The following HLCS variants were observed in gnomAD, a reference collection of about 807,000 sequenced individuals.
HLCS encodes biotin--protein ligase.
HLCS carries 53 observed loss-of-function variants against 75.0 expected under a neutral mutation model. The observed-to-expected ratio is 0.71, with a 90% confidence interval of 0.57 to 0.89. HLCS has a LOEUF of 0.89. HLCS is among the 40% of genes least tolerant of loss of function. The probability of loss-of-function intolerance (pLI) is 0.00; values close to 1 mark genes in which losing one functional copy is unlikely to be tolerated. For missense variants in HLCS, 966 were observed against 1,074.0 expected (o/e 0.90, Z 1.41); for synonymous variants, 431 against 428.6 (o/e 1.01, Z -0.07).
At chr21:36,877,275 C>T (rs1486132722) in intron 6 of HLCS, among the ~76,000 whole-genome samples, 2 of 152,056 alleles carry the variant, frequency 1.3e-5, no homozygotes, top group East Asian at 3.8e-4. Flanking sequence ...TTGAGTTAAA[C>T]CATTTGGTTA....
intron 6 of HLCS, among the ~76,000 whole-genome samples, chr21:36,767,550 G>A (rs775678214): frequency 6.8e-4 from 103 of 152,146 alleles, no homozygotes; most frequent in Non-Finnish European, 3.5e-4. Flanking sequence ...GTACCTGCCT[G>A]AGCCGTTACT....
intron 6 of HLCS, among the ~76,000 whole-genome samples, chr21:36,822,559 T>A (rs1402474943): frequency 6.6e-6 from 1 of 152,258 alleles, no homozygotes; most frequent in Non-Finnish European, 1.5e-5. Context: ...ATTTACATTA[T>A]TTTTAATGAT....
chr21:36,982,297 A>G (rs1166566881), intron 1 of HLCS, among the ~76,000 whole-genome samples: 1 of 152,200 alleles, frequency 6.6e-6, no homozygotes. Flanking sequence ...CTAACAAATA[A>G]TATTGTTCTG....
chr21:36,907,656 AAAAAG>A (rs1198806724), intron 5 of HLCS, among the ~76,000 whole-genome samples: 1 of 152,208 alleles, frequency 6.6e-6, no homozygotes, highest in African/African-American at 2.4e-5. Flanking sequence ...CATCTCAAAA[AAAAAG>A]AGAGAGAAAG....
At chr21:36,777,407 A>C (rs2060392538) in intron 6 of HLCS, among the ~76,000 whole-genome samples, 1 of 152,234 alleles carries the variant, frequency 6.6e-6, no homozygotes, top group South Asian at 2.1e-4. Flanking sequence ...CGGCACGAAA[A>C]CTGGCAGCAG....
Position 36,828,191 on chromosome 21 carries a change from A to G in HLCS, c.1893-60906T>C, listed in dbSNP as rs146708629. ...GATATTTAATGTTGTTGGGTGTGCA[A>G]GTTCAGGTCTGATTCAGCGGGTTCA... On this transcript the variant is annotated intron_variant, in intron 6 of 10. Transcript: ENST00000674895. Among the ~76,000 whole-genome samples, 775 of 152,270 alleles carry G rather than the reference A, an allele frequency of 5.1e-3. 8 individuals are homozygous for G. The highest frequency in any genetic ancestry group is 0.018 in the African/African-American group (746 of 41,548).
intron 5 of HLCS, among the ~76,000 whole-genome samples, chr21:36,903,728 C>T (rs1008738224): frequency 2.0e-5 from 3 of 152,126 alleles, no homozygotes; most frequent in African/African-American, 7.2e-5. Flanking sequence ...GGAGTACCCA[C>T]GGTGTCTCAA....
At chr21:36,974,859 T>C (rs1249103167) in intron 1 of HLCS, 2 of 152,214 alleles carry the variant, frequency 1.3e-5, no homozygotes, top group African/African-American at 2.4e-5. Context: ...ATTTCTGTTG[T>C]TGAAGCCCCA....
At chr21:36,762,453 G>A (rs143195130) in intron 8 of HLCS, among the ~76,000 whole-genome samples, 368 of 152,300 alleles carry the variant, frequency 2.4e-3, no homozygotes, top group Middle Eastern at 0.01. Flanking sequence ...GGCGAGTTCC[G>A]GAAGGAATGC....
intron 6 of HLCS, among the ~76,000 whole-genome samples, chr21:36,885,589 G>A (rs922056289): frequency 4.0e-5 from 6 of 151,636 alleles, no homozygotes; most frequent in Non-Finnish European, 8.8e-5. Context: ...CCACAGCACT[G>A]CTGCTGAAGG....
At chr21:36,808,703 C>T (rs2061427920) in intron 6 of HLCS, among the ~76,000 whole-genome samples, 1 of 152,114 alleles carries the variant, frequency 6.6e-6, no homozygotes, top group South Asian at 2.1e-4. Context: ...AGAAAGAAAA[C>T]TAGTATTTTG....
At chr21:36,978,851 T>G (rs1052310680) in intron 1 of HLCS, among the ~76,000 whole-genome samples, 1 of 152,210 alleles carries the variant, frequency 6.6e-6, no homozygotes, top group African/African-American at 2.4e-5. Flanking sequence ...CATCCTCTCC[T>G]GTGGCTAAAA....
At chr21:36,953,090 C>A (rs1051779174) in intron 2 of HLCS, among the ~76,000 whole-genome samples, 25 of 152,168 alleles carry the variant, frequency 1.6e-4, no homozygotes, top group African/African-American at 5.8e-4. Context: ...CGTGAAATTT[C>A]TGAATCACAA....
intron 6 of HLCS, among the ~76,000 whole-genome samples, chr21:36,874,521 T>C (rs1194288876): frequency 6.6e-6 from 1 of 152,242 alleles, no homozygotes; most frequent in Admixed American, 6.5e-5. Context: ...GCCAGTACCA[T>C]ATAGCTTTGA....
In HLCS at chr21:36,979,584, T is replaced by A. The variant is rs148784713; in HGVS notation, c.-393+10574A>T. ...TTAAAATGGTTTTATGCAAACGACATGTTTAGCCCAAATGCACTGCAGGTA... is the reference window on the plus strand; with the variant it reads ...TTAAAATGGTTTTATGCAAACGACAAGTTTAGCCCAAATGCACTGCAGGTA... On this transcript the variant is annotated intron_variant, in intron 1 of 11. Coordinates refer to the HLCS transcript ENST00000336648. 7.9e-5 allele frequency among the ~76,000 whole-genome samples: 12 copies of A among 152,262 alleles called. No homozygotes were observed. The East Asian group carries it at 2.1e-3, about 27-fold the overall frequency.
chr21:36,956,214 G>A (rs1321436993), intron 2 of HLCS, among the ~76,000 whole-genome samples: 2 of 152,126 alleles, frequency 1.3e-5, no homozygotes, highest in Admixed American at 6.5e-5. Context: ...GGTAGGGGGA[G>A]TCATGAGGAA....
At chr21:36,797,034 T>C (rs894334044) in intron 6 of HLCS, among the ~76,000 whole-genome samples, 3 of 152,030 alleles carry the variant, frequency 2.0e-5, no homozygotes, top group Non-Finnish European at 4.4e-5. Flanking sequence ...ACCCGGCTAA[T>C]TTTTGTATTT....
upstream of HLCS, chr21:36,966,769 G>A: frequency 4.8e-6 from 1 of 208,624 alleles, no homozygotes; most frequent in Non-Finnish European, 8.2e-6. Context: ...CGGCGGGGGA[G>A]GCGGGGACCC....
At chr21:36,931,281 CGCAAAAA>C (rs1303372514) in intron 4 of HLCS, among the ~76,000 whole-genome samples, 1 of 72,214 alleles carries the variant, frequency 1.4e-5, no homozygotes, top group African/African-American at 6.8e-5. Flanking sequence ...GAAACTCCAT[CGCAAAAA>C]AAAAAAAAAA....
Sources: allele counts gnomAD v4.1 joint callset (sites outside exome capture counted in the v4.1 genomes callset), GRCh38; gene constraint gnomAD v4.1.1; transcripts MANE v1.5; gene names NCBI Gene and HGNC (gene_info 2026-07-23, HGNC 2026-07-21).